Variants in NEBL observed in about 807,000 individuals in gnomAD.
NEBL encodes nebulette, also known as LIM and SH3 protein 2.
A neutral mutation model predicts 140.2 loss-of-function variants in NEBL; 122 were observed. The ratio of observed to expected loss-of-function variants is 0.87; its 90% CI spans 0.75 to 1.01. The LOEUF is 1.01. NEBL is among the 50% of genes least tolerant of loss of function. NEBL has a pLI of 0.00. For synonymous variants in NEBL, 436 were observed against 398.9 expected (o/e 1.09, Z -1.11); for missense variants, 1,365 against 1,231.3 (o/e 1.11, Z -1.62).
intron 4 of NEBL, among the ~76,000 whole-genome samples, chr10:20,948,381 C>G (rs1835282918): frequency 6.6e-6 from 1 of 152,186 alleles, no homozygotes. Context: ...TCATTATACC[C>G]ATGACACTAG....
intron 2 of NEBL, among the ~76,000 whole-genome samples, chr10:20,895,630 C>A (rs976442879): frequency 3.9e-5 from 6 of 152,148 alleles, no homozygotes; most frequent in Non-Finnish European, 8.8e-5. Context: ...TTACAGAGAA[C>A]TTTCACATAC....
At chr10:20,786,225 C>A (rs1486606023) in intron 27 of NEBL, among the ~76,000 whole-genome samples, 4 of 152,078 alleles carry the variant, frequency 2.6e-5, no homozygotes, top group African/African-American at 9.7e-5. Context: ...ACCCCAGAAA[C>A]CTTAGATAAT....
rs11314209 is a variant in NEBL, at chr10:21,160,864, GAAA to G, written c.164+11516_164+11518del. ...AAGCCATCAAACTTATTTCCAGGGG[GAAA>G]AAAAAAAAAAACATGATATGCAAGT... On this transcript the variant is annotated intron_variant, in intron 2 of 6. Transcript: ENST00000417816. Among the ~76,000 whole-genome samples, 452 of 145,358 alleles carry G rather than the reference GAAA, an allele frequency of 3.1e-3. 6 individuals carry two copies. The highest frequency in any genetic ancestry group is 9.8e-3 in the African/African-American group (396 of 40,520).
intron 13 of NEBL, among the ~76,000 whole-genome samples, chr10:20,838,853 A>G (rs74120696): frequency 0.052 from 7,905 of 152,254 alleles, 640 homozygotes; most frequent in African/African-American, 0.17. Context: ...TATTATAAAT[A>G]AAGTACTTTA....
chr10:20,818,763 T>C, intron 20 of NEBL: 1 of 980,766 alleles, frequency 1.0e-6, no homozygotes, highest in Non-Finnish European at 1.2e-6. Flanking sequence ...TTAATGAAGA[T>C]CTCTTGAATA....
chr10:21,096,917 G>A (rs1159014255), intron 2 of NEBL, among the ~76,000 whole-genome samples: 2 of 151,270 alleles, frequency 1.3e-5, no homozygotes, highest in Admixed American at 1.3e-4. Flanking sequence ...TATTTCATCT[G>A]AGCTCCCCAC....
At chr10:21,249,920 TG>T (rs1842565484) in intron 2 of NEBL, among the ~76,000 whole-genome samples, 1 of 151,966 alleles carries the variant, frequency 6.6e-6, no homozygotes, top group Non-Finnish European at 1.5e-5. Context: ...AAAAATTGAC[TG>T]GGTGTGGTGG....
chr10:21,181,292 T>G (rs1434967768), intron 3 of NEBL, among the ~76,000 whole-genome samples: 1 of 149,380 alleles, frequency 6.7e-6, no homozygotes, highest in Admixed American at 6.7e-5. Context: ...CCAAAGTGAA[T>G]GTAGCCACGT....
chr10:20,985,700 C>T (rs1837228794), intron 3 of NEBL, among the ~76,000 whole-genome samples: 1 of 151,756 alleles, frequency 6.6e-6, no homozygotes, highest in African/African-American at 2.4e-5. Flanking sequence ...ATTTATTTCC[C>T]ACAATCTACT....
chr10:20,913,088 A>G (rs1848397118), intron 4 of NEBL, among the ~76,000 whole-genome samples: 1 of 151,854 alleles, frequency 6.6e-6, no homozygotes, highest in South Asian at 2.1e-4. Flanking sequence ...AGAGGGTGAA[A>G]TAGGCTTAGG....
intron 3 of NEBL, among the ~76,000 whole-genome samples, chr10:21,236,007 A>C (rs1489683204): frequency 1.3e-5 from 2 of 152,214 alleles, no homozygotes; most frequent in African/African-American, 2.4e-5. Context: ...GTGGTTGAGA[A>C]GGGTTCAAGG....
chr10:21,092,559 A>C (rs1226536822), intron 2 of NEBL, among the ~76,000 whole-genome samples: 1 of 148,662 alleles, frequency 6.7e-6, no homozygotes, highest in Non-Finnish European at 1.5e-5. Flanking sequence ...ATTTTAATTC[A>C]CATGGACTTC....
At chr10:20,934,741 A>C (rs1380303236) in intron 4 of NEBL, among the ~76,000 whole-genome samples, 3 of 152,174 alleles carry the variant, frequency 2.0e-5, no homozygotes, top group Non-Finnish European at 4.4e-5. Flanking sequence ...GTCAGAGTAA[A>C]ATAAACCTCT....
intron 3 of NEBL, among the ~76,000 whole-genome samples, chr10:21,244,478 C>T (rs1475815547): frequency 6.6e-6 from 1 of 151,590 alleles, no homozygotes; most frequent in East Asian, 2.0e-4. Flanking sequence ...ATGGTGAAAC[C>T]CCATCTCTAC....
chr10:21,106,470 A>G (rs1056455890), intron 2 of NEBL, among the ~76,000 whole-genome samples: 3 of 152,188 alleles, frequency 2.0e-5, no homozygotes, highest in African/African-American at 7.2e-5. Flanking sequence ...TGTTTCTGTC[A>G]GGTTTATCAA....
At chr10:21,229,293 CA>C (rs760907194) in intron 3 of NEBL, among the ~76,000 whole-genome samples, 9 of 152,058 alleles carry the variant, frequency 5.9e-5, no homozygotes, top group Non-Finnish European at 1.2e-4. Flanking sequence ...TGGAAGTGTG[CA>C]CCTGTGGTCC....
chr10:21,010,404 C>T (rs1838290536), intron 3 of NEBL, among the ~76,000 whole-genome samples: 1 of 149,802 alleles, frequency 6.7e-6, no homozygotes, highest in Non-Finnish European at 1.5e-5. Flanking sequence ...GCTACCATGC[C>T]CAGCGAATTT....
At chr10:21,232,013 C>T (rs1385042753) in intron 3 of NEBL, among the ~76,000 whole-genome samples, 1 of 152,138 alleles carries the variant, frequency 6.6e-6, no homozygotes, top group East Asian at 1.9e-4. Flanking sequence ...AAATGCTCTT[C>T]ATGACAATAT....
chr10:21,193,868 T>C (rs1031899727), intron 3 of NEBL, among the ~76,000 whole-genome samples: 31 of 152,346 alleles, frequency 2.0e-4, no homozygotes, highest in Admixed American at 1.8e-3. Context: ...CAGCATCTTT[T>C]CACATGCATA....
Sources: gnomAD v4.1 joint callset for allele counts (sites outside exome capture counted in the v4.1 genomes callset) on GRCh38, gnomAD v4.1.1 for gene constraint, MANE v1.5 for transcripts, NCBI Gene and HGNC (gene_info 2026-07-23, HGNC 2026-07-21) for gene names.